The following SAMD5 variants were observed in gnomAD, a reference collection of about 807,000 sequenced individuals.
SAMD5 encodes the protein sterile alpha motif domain-containing protein 5.
SAMD5 carries 13 observed loss-of-function variants against 11.3 expected under a neutral mutation model. The ratio of observed to expected loss-of-function variants is 1.15; its 90% CI spans 0.75 to 1.83. The LOEUF is 1.83. SAMD5 is among the 40% of genes most tolerant of loss of function. SAMD5 has a pLI of 0.00. For missense variants in SAMD5, 255 were observed against 239.1 expected (o/e 1.07, Z -0.44); for synonymous variants, 129 against 111.3 (o/e 1.16, Z -1.00).
Position 147,569,611 on chromosome 6 carries a change from T to A in SAMD5, c.*5155T>A, listed in dbSNP as rs6903802. On this transcript the variant is annotated 3_prime_UTR_variant, in exon 2 of 2. Transcript: ENST00000367474. ...TAAATATCTCCAGGGCAAAGTGGTA[T>A]GTTGACTGGGACAAACGTTAGAAAT... is the stretch of plus-strand genomic sequence containing the variant. 5.1e-4 allele frequency: 505 copies of A among 985,146 alleles called. 7 individuals are homozygous for A. The African/African-American group carries it at 8.5e-3, about 17-fold the overall frequency. The allele number at this position is 985,146 out of a possible 1,614,324, so 61.0% of individuals were successfully genotyped here.
chr6:147,626,484 G>A (rs941966585), intron 1 of SAMD5, among the ~76,000 whole-genome samples: 4 of 150,726 alleles, frequency 2.7e-5, no homozygotes, highest in Non-Finnish European at 5.9e-5. Context: ...TTATGTAGTA[G>A]AACACTGATT....
In SAMD5 at chr6:147,578,609, A is replaced by G. The variant is rs1789251303; in HGVS notation, c.162+69222A>G. 2.0e-5 allele frequency among the ~76,000 whole-genome samples: 3 copies of G among 152,284 alleles called. No individual in the cohort carries two copies. The South Asian group carries it at 6.2e-4, about 32-fold the overall frequency. On this transcript the variant is annotated intron_variant, in intron 1 of 1. Coordinates refer to the SAMD5 transcript ENST00000566741. ...AATTTTCCCTTTAATGGTTAAATTG[A>G]TTATAGTAGACATGGAGAATGATAA... is the stretch of plus-strand genomic sequence containing the variant.
At chr6:147,934,869 A>G in the SAMD5 span, among the ~76,000 whole-genome samples, 1 of 152,018 alleles carries the variant, frequency 6.6e-6, no homozygotes, top group Non-Finnish European at 1.5e-5. Context: ...TCAGCTTTTG[A>G]GTCAGTGAGA....
At chr6:147,759,734 A>C in the SAMD5 span, among the ~76,000 whole-genome samples, 1 of 152,142 alleles carries the variant, frequency 6.6e-6, no homozygotes, top group Non-Finnish European at 1.5e-5. Flanking sequence ...TGAAGTCATC[A>C]TTTGGCAGCA....
chr6:147,776,257 A>G, the SAMD5 span, among the ~76,000 whole-genome samples: 11 of 152,332 alleles, frequency 7.2e-5, no homozygotes, highest in African/African-American at 2.4e-4. Context: ...GCTAGAATTT[A>G]AGTTTTACAA....
At chr6:147,811,993 G>C in the SAMD5 span, among the ~76,000 whole-genome samples, 1 of 152,114 alleles carries the variant, frequency 6.6e-6, no homozygotes, top group Non-Finnish European at 1.5e-5. Context: ...TTTGGGGAGA[G>C]AGGGGAGTAG....
At chr6:147,716,378 A>G (rs933472567) in intron 1 of SAMD5, among the ~76,000 whole-genome samples, 1 of 152,220 alleles carries the variant, frequency 6.6e-6, no homozygotes, top group Non-Finnish European at 1.5e-5. Context: ...GGGAGCAGAC[A>G]CTTCTGAGCC....
chr6:147,829,074 T>G, the SAMD5 span, among the ~76,000 whole-genome samples: 11 of 152,346 alleles, frequency 7.2e-5, no homozygotes, highest in Admixed American at 5.9e-4. Context: ...CCTGGAATGT[T>G]ATTGCAAGGG....
the SAMD5 span, among the ~76,000 whole-genome samples, chr6:147,928,122 G>A: frequency 6.6e-6 from 1 of 152,118 alleles, no homozygotes; most frequent in South Asian, 2.1e-4. Flanking sequence ...TTGGCCTGAT[G>A]TGTTCTTTTT....
At chr6:147,612,662 A>G (rs1789803752) in intron 1 of SAMD5, among the ~76,000 whole-genome samples, 1 of 152,228 alleles carries the variant, frequency 6.6e-6, no homozygotes, top group Admixed American at 6.5e-5. Context: ...TATGGTAGGA[A>G]CAATGCTAGA....
chr6:147,527,225 A>G (rs6921188), intron 1 of SAMD5, among the ~76,000 whole-genome samples: 21,699 of 152,194 alleles, frequency 0.14, 1,830 homozygotes, highest in African/African-American at 0.23. Flanking sequence ...TAAAGAAAAT[A>G]GGTTTAACAG....
At chr6:147,838,535 C>G in the SAMD5 span, among the ~76,000 whole-genome samples, 2 of 142,894 alleles carry the variant, frequency 1.4e-5, no homozygotes, top group Non-Finnish European at 3.1e-5. Context: ...TATCCTGCCC[C>G]CCCCCCGTAG....
rs141742692 is a variant in SAMD5, at chr6:147,614,239, G to A, written c.162+104852G>A. ...ATCCCAACATTTGGGAGGCAGAGGC[G>A]GGCAGATCACCTGAGCTCAGGAGTT... On this transcript the variant is annotated intron_variant, in intron 1 of 1. Coordinates refer to the SAMD5 transcript ENST00000566741. Among the ~76,000 whole-genome samples, 102 of 151,900 alleles carry A rather than the reference G, an allele frequency of 6.7e-4. 2 individuals carry two copies. The highest frequency in any genetic ancestry group is 2.3e-3 in the African/African-American group (93 of 41,246).
At chr6:147,824,726 C>T in the SAMD5 span, among the ~76,000 whole-genome samples, 2 of 152,162 alleles carry the variant, frequency 1.3e-5, no homozygotes, top group Non-Finnish European at 2.9e-5. Context: ...TAAATCACCC[C>T]AATTTTACTT....
At chr6:147,765,650 A>G in the SAMD5 span, among the ~76,000 whole-genome samples, 3 of 152,214 alleles carry the variant, frequency 2.0e-5, no homozygotes, top group East Asian at 5.8e-4. Flanking sequence ...ATTAGTCAGC[A>G]TGTTCCTTGG....
intron 1 of SAMD5, among the ~76,000 whole-genome samples, chr6:147,728,118 T>C (rs1400361970): frequency 6.6e-6 from 1 of 151,454 alleles, no homozygotes; most frequent in African/African-American, 2.4e-5. Context: ...TCCAGAGTGC[T>C]AACATCACAA....
rs3031353 is a variant in SAMD5 at position 147,579,454 on chromosome 6, A to ATTTT, written c.162+70093_162+70096dup. Among the ~76,000 whole-genome samples the ATTTT allele has an allele frequency of 3.0e-4, 23 of 76,946 alleles. No individual in the cohort carries two copies. In the South Asian group the frequency reaches 3.0e-3, roughly 10 times the overall value. 50.5% of individuals were successfully genotyped at this position (76,946 alleles called of 152,430 possible). A position where few individuals can be genotyped will look rare whatever the true frequency, so the allele number is the denominator to read the frequency against. On this transcript the variant is annotated intron_variant, in intron 1 of 1. Coordinates refer to the SAMD5 transcript ENST00000566741. ...GCGATAGTTTGGAAGCAGGCTTTGAATTTTTTTTTTTTTTTTTTTTTTTTT... is the reference window on the plus strand; with the variant it reads ...GCGATAGTTTGGAAGCAGGCTTTGAATTTTTTTTTTTTTTTTTTTTTTTTTTTTT...
At chr6:147,722,856 G>GTCT (rs1791575082) in intron 1 of SAMD5, among the ~76,000 whole-genome samples, 1 of 152,180 alleles carries the variant, frequency 6.6e-6, no homozygotes, top group South Asian at 2.1e-4. Flanking sequence ...GGTTGACTCA[G>GTCT]TCTAGTCTGT....
the SAMD5 span, among the ~76,000 whole-genome samples, chr6:147,761,893 T>C: frequency 6.6e-6 from 1 of 152,088 alleles, no homozygotes; most frequent in Non-Finnish European, 1.5e-5. Flanking sequence ...TTGTATTTTT[T>C]GTAGAGATGG....
Sources: allele counts gnomAD v4.1 joint callset (sites outside exome capture counted in the v4.1 genomes callset), GRCh38; gene constraint gnomAD v4.1.1; transcripts MANE v1.5; gene names NCBI Gene and HGNC (gene_info 2026-07-23, HGNC 2026-07-21).